ADGRL1: variants seen among roughly 807,000 people sequenced by gnomAD.
The protein encoded by ADGRL1 is adhesion G protein-coupled receptor L1, also known as CIRL-1.
Under a neutral mutation model 148.9 loss-of-function variants are expected in ADGRL1, and 31 were observed. The observed-to-expected ratio is 0.21, with a 90% CI of 0.16 to 0.28. ADGRL1 has a LOEUF of 0.28. Among genes scored for constraint, ADGRL1 ranks in the 10% least tolerant of loss-of-function variants. The probability of loss-of-function intolerance (pLI) is 1.00; values close to 1 mark genes in which losing one functional copy is unlikely to be tolerated. For synonymous variants in ADGRL1, 937 were observed against 900.3 expected (o/e 1.04, Z -0.73); for missense variants, 1,521 against 2,058.8 (o/e 0.74, Z 5.05).
intron 1 of ADGRL1, among the ~76,000 whole-genome samples, chr19:14,201,917 G>A (rs1289957472): frequency 6.6e-6 from 1 of 152,184 alleles, no homozygotes; most frequent in Non-Finnish European, 1.5e-5. Context: ...GGAGGGGTGT[G>A]GGAAGCTGAG....
intron 4 of ADGRL1, among the ~76,000 whole-genome samples, chr19:14,167,555 C>G (rs1477156389): frequency 6.6e-6 from 1 of 152,166 alleles, no homozygotes; most frequent in Non-Finnish European, 1.5e-5. Context: ...CTCCCAGGGC[C>G]TGGGCCCACC....
rs567456011 is a variant in ADGRL1 at position 14,161,988 on chromosome 19, G to A, written c.1196-362C>T. ...ATCCAGGTCAGCCCCGCCACCAGGT[G>A]GGGGCTGAATACCACCGCCCCCCAT... On this transcript the variant is annotated intron_variant, in intron 5 of 22. Coordinates refer to ENST00000361434, the MANE Select transcript of ADGRL1 (RefSeq NM_014921.5). The surrounding 1 kb of genome is among the most constrained non-coding windows in gnomAD (Gnocchi z 4.4). 5.9e-5 allele frequency among the ~76,000 whole-genome samples: 9 copies of A among 152,248 alleles called. 2 individuals carry two copies. The highest frequency in any genetic ancestry group is 2.2e-4 in the African/African-American group (9 of 41,544).
At position 14,152,556 on chromosome 19, in the gene ADGRL1, TG is replaced by T; in HGVS notation, c.3480del (p.Phe1160LeufsTer12). 1 of 1,614,140 alleles carries T rather than the reference TG, an allele frequency of 6.2e-7. No individual in the cohort carries two copies. The highest frequency in any genetic ancestry group is 8.5e-7 in the Non-Finnish European group (1 of 1,179,988). On this transcript the variant is annotated frameshift_variant, in exon 20 of 23. Transcript: ENST00000361434. LOFTEE classifies it high-confidence loss of function. The surrounding 1 kb of genome is among the most constrained non-coding windows in gnomAD (Gnocchi z 6.1). ...GGGGTGCTGTTGATGTCACCCGCCA[TG>T]AAGGAGGACTCCGTCTGTTTCCTCA... The part of the protein sequence containing the change: ...DTVRKQTESS[F>X]MAGDINSTPT...
intron 2 of ADGRL1, among the ~76,000 whole-genome samples, chr19:14,181,576 C>A (rs1041172610): frequency 1.3e-5 from 2 of 151,992 alleles, no homozygotes; most frequent in East Asian, 1.9e-4. Context: ...AAAAATTAGC[C>A]GGGCATGGTG....
At position 14,183,624 on chromosome 19, in the gene ADGRL1, C is replaced by G; in HGVS notation, c.-22G>C. On this transcript the variant is annotated 5_prime_UTR_variant, in exon 2 of 23. Transcript: ENST00000361434. Reference sequence around the variant, plus strand: ...CCATGGTGGCAGCCGGGTGCGTGTCCGGAGCTCTCAGTGGCCTGTGCGGGG... The same window carrying G: ...CCATGGTGGCAGCCGGGTGCGTGTCGGGAGCTCTCAGTGGCCTGTGCGGGG... 6.4e-7 allele frequency: 1 copy of G among 1,558,506 alleles called. No homozygotes were observed.
In ADGRL1 at chr19:14,162,818, A is replaced by G. The variant is rs757695218; in HGVS notation, c.983T>C (p.Val328Ala). Residue 328 changes from valine (V) to alanine (A), a missense_variant, in exon 5 of 23, where the codon GTG becomes GCG. By Grantham distance (64) the Val-to-Ala change is moderately conservative. Coordinates refer to ENST00000361434, the MANE Select transcript of ADGRL1 (RefSeq NM_014921.5). The surrounding 1 kb of genome is among the most constrained non-coding windows in gnomAD (Gnocchi z 5.4). ...GCCAGCCGCCTCGCTGTCATCATCC[A>G]CGTACACGGAACGCAGGACGTACAG... is the stretch of plus-strand genomic sequence containing the variant. ...GVLYVLRSVY[V>A]DDDSEAAGNR... 1.2e-6 allele frequency: 2 copies of G among 1,613,878 alleles called. No homozygotes were observed. The highest frequency in any genetic ancestry group is 2.7e-5 in the African/African-American group (2 of 74,862).
At chr19:14,189,016 T>A (rs1313294782) in intron 1 of ADGRL1, among the ~76,000 whole-genome samples, 1 of 152,108 alleles carries the variant, frequency 6.6e-6, no homozygotes, top group Non-Finnish European at 1.5e-5. Flanking sequence ...CCTCCCAACG[T>A]GTTGGGATTA....
chr19:14,198,263 C>G (rs780674637), intron 1 of ADGRL1, among the ~76,000 whole-genome samples: 4 of 152,054 alleles, frequency 2.6e-5, no homozygotes, highest in Admixed American at 6.6e-5. Context: ...GAATCCTGAA[C>G]AGAGGGATGG....
rs371272427 is a variant in ADGRL1, at chr19:14,159,687, C to A, written c.1839+48G>T. 2 of 1,606,132 alleles carry A rather than the reference C, an allele frequency of 1.2e-6. No homozygotes were observed. Among genetic ancestry groups the A allele is most frequent in the Non-Finnish European group, 8.5e-7 (1 of 1,173,068 alleles). On this transcript the variant is annotated intron_variant, in intron 9 of 22. Coordinates refer to ENST00000361434, the MANE Select transcript of ADGRL1 (RefSeq NM_014921.5). This position sits in a 1 kb window ranked among gnomAD's most constrained non-coding sequence, Gnocchi z 6.0. ...TCTCAACCTCCACCCCTAATCCCCC[C>A]ATCAGCTGGAGCCCACGGTCCTTAC... is the stretch of plus-strand genomic sequence containing the variant.
rs192541608 is a variant in ADGRL1 at position 14,170,823 on chromosome 19, A to G, written c.285-32T>C. On this transcript the variant is annotated intron_variant, in intron 3 of 22. Transcript: ENST00000361434. The stretch of plus-strand genomic sequence containing the variant: ...AGGAGAAACAGGGCATTGGGAAAGA[A>G]ACACATAGACGGGGTGGCGGGGGTG... 376 of 1,125,086 alleles carry G rather than the reference A, an allele frequency of 3.3e-4. 2 individuals carry two copies. Among genetic ancestry groups the G allele is most frequent in the Non-Finnish European group, 2.4e-5 (18 of 743,510 alleles). 69.7% of individuals were successfully genotyped at this position (1,125,086 alleles called of 1,614,324 possible).
chr19:14,168,560 G>A (rs1023400415), intron 4 of ADGRL1, among the ~76,000 whole-genome samples: 5 of 152,040 alleles, frequency 3.3e-5, no homozygotes, highest in African/African-American at 1.2e-4. Flanking sequence ...CCTGGTCTCT[G>A]TCGGTTGTAG....
At chr19:14,171,309 T>TA (rs1203031185) in intron 3 of ADGRL1, 1 of 153,058 alleles carries the variant, frequency 6.5e-6, no homozygotes, top group Non-Finnish European at 1.5e-5. Context: ...AAGAACGAAC[T>TA]AACACACCAA....
intron 1 of ADGRL1, among the ~76,000 whole-genome samples, chr19:14,190,811 G>C (rs113720388): frequency 0.17 from 25,525 of 152,124 alleles, 2,505 homozygotes; most frequent in Non-Finnish European, 0.22. Context: ...ATCTTGGCCG[G>C]GCGCAGTGGC....
At chr19:14,181,978 G>A (rs1306913426) in intron 2 of ADGRL1, among the ~76,000 whole-genome samples, 1 of 152,180 alleles carries the variant, frequency 6.6e-6, no homozygotes, top group Non-Finnish European at 1.5e-5. Flanking sequence ...AGCTCCCTGG[G>A]GGGATTGCGT....
chr19:14,201,294 G>GTTTTTTT (rs748016498), intron 1 of ADGRL1, among the ~76,000 whole-genome samples: 1 of 86,234 alleles, frequency 1.2e-5, no homozygotes. Flanking sequence ...GCTATTCTGA[G>GTTTTTTT]TTTTTTTGTT....
At position 14,188,000 on chromosome 19, in the gene ADGRL1, T is replaced by C. The variant is rs189976189; in HGVS notation, c.-95-4303A>G. Among the ~76,000 whole-genome samples the C allele has an allele frequency of 3.3e-5, 5 of 152,058 alleles. No individual in the cohort carries two copies. In the East Asian group the frequency reaches 7.7e-4, roughly 24 times the overall value. ...ATCCCAGTGCTTTGGGAGGCTAAGG[T>C]GGGTGGATCACTTGAGCCCAGGAGT... On this transcript the variant is annotated intron_variant, in intron 1 of 22. Coordinates refer to ENST00000361434, the MANE Select transcript of ADGRL1 (RefSeq NM_014921.5).
In ADGRL1 at chr19:14,152,155, A is replaced by C. The variant is rs750136067; in HGVS notation, c.3650-5T>G. On this transcript the variant is annotated splice_region_variant and splice_polypyrimidine_tract_variant and intron_variant, in intron 21 of 22. Coordinates refer to ENST00000361434, the MANE Select transcript of ADGRL1 (RefSeq NM_014921.5). This position sits in a 1 kb window ranked among gnomAD's most constrained non-coding sequence, Gnocchi z 6.1. ...TACTGGGTTCCCGGTAGCTCCCTGC[A>C]GGTGGCAGCCAGAAGAGAGAAGAGA... 6.2e-7 allele frequency: 1 copy of C among 1,614,150 alleles called. No individual in the cohort carries two copies. The highest frequency in any genetic ancestry group is 1.1e-5 in the South Asian group (1 of 91,084).
chr19:14,159,118 G>C lies in ADGRL1; in HGVS notation c.2121C>G (p.Ala707=), dbSNP rs1183378792. ...YPRKNSIQLS[A]KTIKQNSRNG... ...TGCGGCTGTTCTGCTTGATGGTTTT[G>C]GCAGACAGCTGGATGGAGTTCTTTC... is the stretch of plus-strand genomic sequence containing the variant. The change falls in exon 11 of 23, where the codon GCC becomes GCG. Residue 707 remains alanine (A), a synonymous_variant. Transcript: ENST00000361434. This position sits in a 1 kb window ranked among gnomAD's most constrained non-coding sequence, Gnocchi z 6.0. 1 of 1,614,088 alleles carries C rather than the reference G, an allele frequency of 6.2e-7. No individual in the cohort carries two copies.
intron 1 of ADGRL1, among the ~76,000 whole-genome samples, chr19:14,203,307 C>T (rs528080008): frequency 6.6e-6 from 1 of 152,156 alleles, no homozygotes; most frequent in Non-Finnish European, 1.5e-5. Context: ...CCACATGTCT[C>T]GCCAGGGAGA....
Sources: gnomAD v4.1 joint callset for allele counts (sites outside exome capture counted in the v4.1 genomes callset) on GRCh38, gnomAD v4.1.1 for gene constraint, Gnocchi (gnomAD v3.1) non-coding constraint, MANE v1.5 for transcripts, NCBI Gene and HGNC (gene_info 2026-07-23, HGNC 2026-07-21) for gene names.